Variants in SCAPER observed in about 807,000 individuals in gnomAD.
SCAPER encodes S phase cyclin A-associated protein in the endoplasmic reticulum.
SCAPER carries 98 observed loss-of-function variants against 182.2 expected under a neutral mutation model. That is an observed-to-expected ratio of 0.54 (90% CI 0.46 to 0.64). The LOEUF (loss-of-function observed/expected upper bound fraction) is 0.64, where lower values mean the gene tolerates loss of function less well. Among genes scored for constraint, SCAPER ranks in the 30% least tolerant of loss-of-function variants. The pLI is 0.00. For missense variants in SCAPER, 1,432 were observed against 1,690.0 expected, an observed-to-expected ratio of 0.85 and a Z score of 2.68; for synonymous variants, 605 against 564.6, an observed-to-expected ratio of 1.07 and a Z score of -1.01.
At chr15:76,442,564 A>C (rs1279794577) in intron 25 of SCAPER, among the ~76,000 whole-genome samples, 1 of 152,220 alleles carries the variant, frequency 6.6e-6, no homozygotes, top group Non-Finnish European at 1.5e-5. Flanking sequence ...GAGGACATTC[A>C]GCTTTAATTA....
intron 17 of SCAPER, among the ~76,000 whole-genome samples, chr15:76,709,718 C>T (rs2059460690): frequency 6.6e-6 from 1 of 152,126 alleles, no homozygotes; most frequent in Non-Finnish European, 1.5e-5. Context: ...ATTGCCATAA[C>T]ACAAAAGCCA....
chr15:76,575,301 T>G (rs2047736571), intron 22 of SCAPER, among the ~76,000 whole-genome samples: 1 of 152,110 alleles, frequency 6.6e-6, no homozygotes. Flanking sequence ...AAGATCTTAT[T>G]AAATCTCCCT....
chr15:76,771,134 A>G (rs1443255475), intron 10 of SCAPER, among the ~76,000 whole-genome samples: 1 of 152,148 alleles, frequency 6.6e-6, no homozygotes, highest in East Asian at 1.9e-4. Context: ...TTGGAAAGCT[A>G]GTTTTTAAAC....
intron 4 of SCAPER, among the ~76,000 whole-genome samples, chr15:76,844,088 T>C (rs2069769116): frequency 6.6e-6 from 1 of 152,114 alleles, no homozygotes; most frequent in African/African-American, 2.4e-5. Flanking sequence ...ACTTAAGTGA[T>C]GAAGCCAGAA....
At chr15:76,847,731 G>A (rs1348193461) in intron 4 of SCAPER, among the ~76,000 whole-genome samples, 3 of 152,106 alleles carry the variant, frequency 2.0e-5, no homozygotes, top group Non-Finnish European at 4.4e-5. Context: ...GAACAGCCTG[G>A]GCAACACAGC....
chr15:76,443,335 C>T (rs778539925), intron 25 of SCAPER, among the ~76,000 whole-genome samples: 1 of 152,152 alleles, frequency 6.6e-6, no homozygotes, highest in Non-Finnish European at 1.5e-5. Context: ...GATAAGACAT[C>T]CATTTGAAAA....
At chr15:76,577,031 C>T (rs2404739) in intron 22 of SCAPER, 6,741 of 152,278 alleles carry the variant, frequency 0.044, 326 homozygotes, top group African/African-American at 0.12. Flanking sequence ...AAGAATGTGA[C>T]CTATGAGACC....
chr15:76,757,040 A>G (rs1323190721), intron 14 of SCAPER, among the ~76,000 whole-genome samples: 1 of 152,130 alleles, frequency 6.6e-6, no homozygotes, highest in Non-Finnish European at 1.5e-5. Context: ...AAACTTGATC[A>G]TCTTTCCCTG....
intron 26 of SCAPER, among the ~76,000 whole-genome samples, chr15:76,431,913 T>A (rs186124720): frequency 6.6e-6 from 1 of 152,260 alleles, no homozygotes; most frequent in East Asian, 1.9e-4. Context: ...TTTGGCAGAT[T>A]ACCACTGCTC....
intron 25 of SCAPER, among the ~76,000 whole-genome samples, chr15:76,444,939 T>C (rs1332515100): frequency 6.6e-6 from 1 of 152,242 alleles, no homozygotes; most frequent in Non-Finnish European, 1.5e-5. Context: ...TTTGGATTAT[T>C]ATAGTTTTCA....
intron 21 of SCAPER, among the ~76,000 whole-genome samples, chr15:76,652,070 A>G (rs375639892): frequency 1.5e-4 from 22 of 150,030 alleles, no homozygotes; most frequent in African/African-American, 5.4e-4. Context: ...ATAAAATCCA[A>G]CACCCCTTCA....
intron 4 of SCAPER, among the ~76,000 whole-genome samples, chr15:76,846,007 T>C (rs2070040098): frequency 6.6e-6 from 1 of 151,584 alleles, no homozygotes; most frequent in East Asian, 1.9e-4. Context: ...CACAGATCAA[T>C]GGAACATAAT....
chr15:76,665,709 T>G lies in SCAPER; in HGVS notation c.2589A>C (p.Glu863Asp), dbSNP rs1338416558. The G allele has an allele frequency of 1.9e-6, 3 of 1,567,976 alleles. No individual in the cohort carries two copies. Among genetic ancestry groups the G allele is most frequent in the Non-Finnish European group, 8.7e-7 (1 of 1,155,990 alleles). ...TAPAEALKDG[E>D]ERQKNKKKAK... ...CTTTTTTTTTATTTTTTTGCCGCTC[T>G]TCTCCATCTTTCAAAGCTTCTGCTG... The change falls in exon 21 of 32, where the codon GAA becomes GAC. Residue 863 changes from glutamate (E) to aspartate (D), a missense_variant. Around this residue, in one of 5 missense-constraint regions of SCAPER, gnomAD observed 718 missense variants for 799.7 expected, o/e 0.90. Transcript: ENST00000563290.
intron 20 of SCAPER, among the ~76,000 whole-genome samples, chr15:76,668,142 C>T (rs1162668555): frequency 6.6e-6 from 1 of 152,166 alleles, no homozygotes; most frequent in Admixed American, 6.5e-5. Flanking sequence ...TAATTGCTCA[C>T]ATCCAATACA....
At chr15:76,432,683 A>G (rs905776747) in intron 26 of SCAPER, among the ~76,000 whole-genome samples, 15 of 152,250 alleles carry the variant, frequency 9.9e-5, no homozygotes, top group Non-Finnish European at 4.4e-5. Flanking sequence ...ATGCCAAAGT[A>G]GGAGTAAATT....
intron 25 of SCAPER, among the ~76,000 whole-genome samples, chr15:76,446,863 G>A (rs187196639): frequency 3.3e-5 from 5 of 152,254 alleles, no homozygotes; most frequent in African/African-American, 1.2e-4. Context: ...AGAGATACGC[G>A]TTCAATAGAA....
intron 9 of SCAPER, 118 bp downstream of exon 9, chr15:76,774,737 T>C (rs1197982958): frequency 1.7e-5 from 19 of 1,094,370 alleles, no homozygotes; most frequent in Non-Finnish European, 2.3e-5. Flanking sequence ...TGTAGGTCTA[T>C]AGACCTGAAA....
chr15:76,404,765 G>C, intron 26 of SCAPER, 86 bp from the exon 27 acceptor site: 2 of 1,346,786 alleles, frequency 1.5e-6, no homozygotes, highest in Non-Finnish European at 2.0e-6. Flanking sequence ...CCATACACAG[G>C]CTTGGACCCC....
intron 22 of SCAPER, 121 bp downstream of exon 22, chr15:76,621,642 AG>A (rs1179933138): frequency 1.2e-6 from 1 of 820,034 alleles, no homozygotes; most frequent in Non-Finnish European, 1.9e-6. Flanking sequence ...CTGTGTTAAG[AG>A]AATGCTGTTC....
Sources: gnomAD v4.1 joint callset for allele counts (sites outside exome capture counted in the v4.1 genomes callset) on GRCh38, gnomAD v4.1.1 for gene constraint, gnomAD v4.1.1 regional missense constraint, MANE v1.5 for transcripts, NCBI Gene and HGNC (gene_info 2026-07-23, HGNC 2026-07-21) for gene names.